The following ARSG variants were observed in gnomAD, a reference collection of about 807,000 sequenced individuals.
The protein encoded by ARSG is ASG.
Under a neutral mutation model 50.5 loss-of-function variants are expected in ARSG, and 37 were observed. The ratio of observed to expected loss-of-function variants is 0.73; its 90% confidence interval spans 0.56 to 0.96. The LOEUF is 0.96. Ranked by LOEUF, ARSG falls within the 50% of genes least tolerant of loss-of-function variation. The probability of loss-of-function intolerance (pLI) is 0.00; values close to 1 mark genes in which losing one functional copy is unlikely to be tolerated. For missense variants in ARSG, 629 were observed against 675.3 expected (o/e 0.93, Z 0.76); for synonymous variants, 225 against 254.6 (o/e 0.88, Z 1.11).
At chr17:68,431,971 G>C in the ARSG span, among the ~76,000 whole-genome samples, 1 of 152,182 alleles carries the variant, frequency 6.6e-6, no homozygotes, top group African/African-American at 2.4e-5. Flanking sequence ...CCGCCCTCTA[G>C]TGCTCAAACC....
chr17:68,366,817 A>G (rs1599902000), intron 6 of ARSG, among the ~76,000 whole-genome samples: 1 of 152,180 alleles, frequency 6.6e-6, no homozygotes, highest in Admixed American at 6.6e-5. Context: ...TTGTTTTGCA[A>G]CAATTACCAC....
At chr17:68,298,049 C>T (rs2076272759) in intron 1 of ARSG, among the ~76,000 whole-genome samples, 1 of 147,288 alleles carries the variant, frequency 6.8e-6, no homozygotes, top group Admixed American at 7.0e-5. Context: ...AACTGAGACA[C>T]AAAGAGATTC....
At chr17:68,445,399 C>G in the ARSG span, among the ~76,000 whole-genome samples, 1 of 152,282 alleles carries the variant, frequency 6.6e-6, no homozygotes, top group East Asian at 1.9e-4. Flanking sequence ...GGTTTTACCC[C>G]TCTCTGAATA....
At chr17:68,386,368 C>T (rs544800107) in intron 9 of ARSG, among the ~76,000 whole-genome samples, 4 of 152,284 alleles carry the variant, frequency 2.6e-5, no homozygotes, top group Middle Eastern at 3.4e-3. Context: ...GTAAAGAACA[C>T]AGCTGAGTAG....
At chr17:68,388,104 G>C (rs1294845643) in intron 9 of ARSG, among the ~76,000 whole-genome samples, 1 of 152,186 alleles carries the variant, frequency 6.6e-6, no homozygotes, top group Non-Finnish European at 1.5e-5. Flanking sequence ...CATTACTCCA[G>C]GGACTGGGGA....
At chr17:68,417,689 C>T (rs1050225369) in intron 11 of ARSG, among the ~76,000 whole-genome samples, 5 of 147,106 alleles carry the variant, frequency 3.4e-5, no homozygotes, top group African/African-American at 1.3e-4. Context: ...CAGTAGTTTG[C>T]CCTGTGACTT....
At chr17:68,280,109 G>A (rs1480752894) in intron 1 of ARSG, among the ~76,000 whole-genome samples, 1 of 149,906 alleles carries the variant, frequency 6.7e-6, no homozygotes, top group Non-Finnish European at 1.5e-5. Flanking sequence ...TTGAACCTGG[G>A]AGGAGGAGGT....
At position 68,307,571 on chromosome 17, in the gene ARSG, C is replaced by G. The variant is rs1173565482; in HGVS notation, c.78C>G (p.Cys26Trp). 4 of 1,614,042 alleles carry G rather than the reference C, an allele frequency of 2.5e-6. No homozygotes were observed. The change falls in exon 2 of 12, where the codon TGC becomes TGG. Residue 26 changes from cysteine to tryptophan, a missense_variant. Coordinates refer to ENST00000621439, the MANE Select transcript of ARSG (RefSeq NM_001267727.2). ...TTCTTTATCCTCTTGTGGATTTTTG[C>G]ATCAGTGGGAAAACAAGAGGACAGA... ...SGFLYPLVDF[C>W]ISGKTRGQKP...
downstream of ARSG, among the ~76,000 whole-genome samples, chr17:68,422,985 C>T (rs1381702995): frequency 6.6e-6 from 1 of 152,112 alleles, no homozygotes; most frequent in Non-Finnish European, 1.5e-5. Flanking sequence ...TGATCCTACG[C>T]AGGGAAGTGT....
chr17:68,330,174 C>T (rs1419700511), intron 2 of ARSG, among the ~76,000 whole-genome samples: 1 of 151,668 alleles, frequency 6.6e-6, no homozygotes, highest in African/African-American at 2.4e-5. Flanking sequence ...CGAGCCACTG[C>T]ACTCCAGCCT....
At chr17:68,274,172 G>A (rs1161563780) in intron 1 of ARSG, 5 of 1,304,594 alleles carry the variant, frequency 3.8e-6, no homozygotes, top group South Asian at 2.7e-5. Context: ...AGATGATGTC[G>A]AATATAAATA....
chr17:68,405,130 CTTT>C (rs58178643), intron 11 of ARSG, among the ~76,000 whole-genome samples: 4 of 92,978 alleles, frequency 4.3e-5, no homozygotes, highest in Admixed American at 1.1e-4. Flanking sequence ...CAGCTTTGGG[CTTT>C]TTTTTTTTTT....
chr17:68,371,058 C>T (rs1050365853), intron 8 of ARSG, among the ~76,000 whole-genome samples: 12 of 152,178 alleles, frequency 7.9e-5, no homozygotes, highest in Non-Finnish European at 1.8e-4. Context: ...CGGTGGCTCA[C>T]GCCTGTAATC....
chr17:68,394,884 T>C (rs1419906247), intron 9 of ARSG, among the ~76,000 whole-genome samples, 189 bp from the exon 10 acceptor site: 4 of 152,194 alleles, frequency 2.6e-5, no homozygotes, highest in African/African-American at 9.6e-5. Flanking sequence ...CGCTGCACCA[T>C]TCTGCCTCTT....
intron 5 of ARSG, among the ~76,000 whole-genome samples, chr17:68,355,996 C>T (rs2079016081): frequency 6.6e-6 from 1 of 152,182 alleles, no homozygotes; most frequent in South Asian, 2.1e-4. Context: ...ATTCTCCTGC[C>T]TCAGCCTCCT....
the ARSG span, chr17:68,429,895 A>G: frequency 6.4e-7 from 1 of 1,558,614 alleles, no homozygotes; most frequent in Non-Finnish European, 8.7e-7. Flanking sequence ...AGCCTGGGGC[A>G]AGTTTTCTTT....
chr17:68,321,890 G>GT, intron 2 of ARSG, among the ~76,000 whole-genome samples: 1 of 152,278 alleles, frequency 6.6e-6, no homozygotes, highest in Non-Finnish European at 1.5e-5. Flanking sequence ...TGGGAGGAAA[G>GT]AAAGCTTTCC....
chr17:68,381,988 T>C lies in ARSG; in HGVS notation c.983-3076T>C, dbSNP rs936374906. ...TTTTTTTTTTTTGACAGAGTCTCTG[T>C]CGTGCAGGCTGGAGTGAAGTGGCTC... is the stretch of plus-strand genomic sequence containing the variant. On this transcript the variant is annotated intron_variant, in intron 8 of 11. Coordinates refer to ENST00000621439, the MANE Select transcript of ARSG (RefSeq NM_001267727.2). This position sits in a 1 kb window ranked among gnomAD's most constrained non-coding sequence, Gnocchi z 4.1. 6.6e-6 allele frequency among the ~76,000 whole-genome samples: 1 copy of C among 151,288 alleles called. No homozygotes were observed. The highest frequency in any genetic ancestry group is 1.5e-5 in the Non-Finnish European group (1 of 67,874).
the ARSG span, among the ~76,000 whole-genome samples, chr17:68,437,012 A>ATGTG: frequency 9.3e-4 from 76 of 82,070 alleles, no homozygotes; most frequent in African/African-American, 3.5e-3. Flanking sequence ...AAAAATATAT[A>ATGTG]TATATGTGTG....
Sources: gnomAD v4.1 joint callset for allele counts (sites outside exome capture counted in the v4.1 genomes callset) on GRCh38, gnomAD v4.1.1 for gene constraint, Gnocchi (gnomAD v3.1) non-coding constraint, MANE v1.5 for transcripts, NCBI Gene and HGNC (gene_info 2026-07-23, HGNC 2026-07-21) for gene names.